Variants in THOC1 observed in about 807,000 individuals in gnomAD.
The protein encoded by THOC1 is THO complex subunit 1.
In THOC1, 29 loss-of-function variants were observed where a neutral mutation model predicts 97.3. The observed-to-expected ratio is 0.30, with a 90% CI of 0.22 to 0.41. The LOEUF is 0.41. THOC1 is among the 10% of genes least tolerant of loss of function. The probability of loss-of-function intolerance (pLI) is 1.00; values close to 1 mark genes in which losing one functional copy is unlikely to be tolerated. For missense variants in THOC1, 529 were observed against 761.9 expected (o/e 0.69, Z 3.60); for synonymous variants, 255 against 257.0 (o/e 0.99, Z 0.07).
At chr18:251,372 G>A (rs773223169) in intron 9 of THOC1, among the ~76,000 whole-genome samples, 53 of 152,138 alleles carry the variant, frequency 3.5e-4, no homozygotes, top group Admixed American at 5.2e-4. Flanking sequence ...AGACAGTAAT[G>A]GAAATTCTTT....
chr18:239,469 TA>T lies in THOC1; in HGVS notation c.918+6854del, dbSNP rs1465348492. On this transcript the variant is annotated intron_variant, in intron 11 of 20. Coordinates refer to ENST00000261600, the MANE Select transcript of THOC1 (RefSeq NM_005131.3). ...ATAGGCACCTGCCACCACGCCCGGC[TA>T]ATTTTTTGTATTTTTAGTACAGACA... is the stretch of plus-strand genomic sequence containing the variant. Among the ~76,000 whole-genome samples, 41 of 152,254 alleles carry T rather than the reference TA, an allele frequency of 2.7e-4. No individual in the cohort carries two copies. In the South Asian group the frequency reaches 7.7e-3, roughly 28 times the overall value.
At chr18:241,295 A>G (rs1391617121) in intron 11 of THOC1, among the ~76,000 whole-genome samples, 1 of 152,222 alleles carries the variant, frequency 6.6e-6, no homozygotes, top group Non-Finnish European at 1.5e-5. Context: ...CCGTTACTAC[A>G]TAAAGATTCA....
At chr18:255,164 C>G (rs1017140298) in intron 7 of THOC1, among the ~76,000 whole-genome samples, 12 of 152,142 alleles carry the variant, frequency 7.9e-5, no homozygotes, top group African/African-American at 2.4e-4. Flanking sequence ...GAATTTAGGC[C>G]AACTAATAAT....
chr18:240,455 G>A (rs1911858386), intron 11 of THOC1, among the ~76,000 whole-genome samples: 1 of 152,172 alleles, frequency 6.6e-6, no homozygotes, highest in Non-Finnish European at 1.5e-5. Flanking sequence ...TGTTCTATCT[G>A]TCAGGACCAG....
chr18:229,066 A>T (rs1911392579), intron 11 of THOC1, among the ~76,000 whole-genome samples: 1 of 152,182 alleles, frequency 6.6e-6, no homozygotes, highest in African/African-American at 2.4e-5. Flanking sequence ...AATCAGCTGC[A>T]CCTACACCTT....
chr18:219,863 TC>T (rs1911017445), intron 17 of THOC1, among the ~76,000 whole-genome samples: 1 of 152,190 alleles, frequency 6.6e-6, no homozygotes, highest in Non-Finnish European at 1.5e-5. Context: ...TAATACGATT[TC>T]AAGGGTTTAA....
intron 9 of THOC1, among the ~76,000 whole-genome samples, chr18:248,814 G>T (rs772532274): frequency 3.3e-5 from 5 of 151,774 alleles, no homozygotes; most frequent in African/African-American, 2.4e-5. Flanking sequence ...GCAGTGGTGC[G>T]ATCTCAGCTC....
At chr18:233,638 A>T (rs925272790) in intron 11 of THOC1, among the ~76,000 whole-genome samples, 1 of 152,134 alleles carries the variant, frequency 6.6e-6, no homozygotes, top group African/African-American at 2.4e-5. Flanking sequence ...TTATAATGCA[A>T]TCTTCTTTTG....
At chr18:223,319 C>T in intron 17 of THOC1, 121 bp downstream of exon 17, 1 of 730,606 alleles carries the variant, frequency 1.4e-6, no homozygotes, top group East Asian at 3.0e-5. Flanking sequence ...GCTGCTGTGC[C>T]AAAAGTCAAC....
rs144666647 is a variant in THOC1 at position 263,399 on chromosome 18, G to A, written c.256+627C>T. The A allele has an allele frequency of 4.6e-3, 695 of 152,576 alleles. 6 individuals are homozygous for A. The highest frequency in any genetic ancestry group is 7.6e-3 in the Non-Finnish European group (520 of 68,256). The allele number at this position is 152,576 out of a possible 1,614,324, so 9.5% of individuals were successfully genotyped here. A position where few individuals can be genotyped will look rare whatever the true frequency, so the allele number is the denominator to read the frequency against. On this transcript the variant is annotated intron_variant, in intron 4 of 20. Coordinates refer to ENST00000261600, the MANE Select transcript of THOC1 (RefSeq NM_005131.3). The stretch of plus-strand genomic sequence containing the variant: ...CGGCCTGCAGCTGCTCTTTAGTATG[G>A]CACCCAGTGCCCTTTATAAATGGAC...
chr18:217,208 A>G (rs1189044558), intron 18 of THOC1, among the ~76,000 whole-genome samples: 1 of 152,240 alleles, frequency 6.6e-6, no homozygotes, highest in Non-Finnish European at 1.5e-5. Context: ...GTCACCTCTT[A>G]TAAATAAGCA....
Position 254,908 on chromosome 18 carries a change from C to T in THOC1, c.521-553G>A, listed in dbSNP as rs1365110402. 6.6e-6 allele frequency among the ~76,000 whole-genome samples: 1 copy of T among 151,936 alleles called. No individual in the cohort carries two copies. The highest frequency in any genetic ancestry group is 1.5e-5 in the Non-Finnish European group (1 of 67,994). On this transcript the variant is annotated intron_variant, in intron 7 of 20. Coordinates refer to ENST00000261600, the MANE Select transcript of THOC1 (RefSeq NM_005131.3). The surrounding 1 kb of genome is among the most constrained non-coding windows in gnomAD (Gnocchi z 4.1). The stretch of plus-strand genomic sequence containing the variant: ...ATGGCTCACTGCAAGTTCAGCTTCC[C>T]AAGCTCAGATGATCCTCCCACCTCA...
intron 17 of THOC1, among the ~76,000 whole-genome samples, chr18:220,281 G>A (rs145389731): frequency 1.3e-5 from 2 of 152,228 alleles, no homozygotes; most frequent in African/African-American, 4.8e-5. Flanking sequence ...ATTTTACACT[G>A]CAACCCAGTA....
intron 8 of THOC1, among the ~76,000 whole-genome samples, chr18:253,216 T>C (rs182610220): frequency 1.6e-4 from 24 of 152,286 alleles, no homozygotes; most frequent in Admixed American, 4.6e-4. Flanking sequence ...AACCAGGCAA[T>C]AGCTATTGAA....
At chr18:243,186 G>A (rs1347161752) in intron 11 of THOC1, among the ~76,000 whole-genome samples, 1 of 152,114 alleles carries the variant, frequency 6.6e-6, no homozygotes, top group South Asian at 2.1e-4. Flanking sequence ...TACCTTCCTC[G>A]TGATGTGATA....
intron 11 of THOC1, among the ~76,000 whole-genome samples, chr18:233,606 A>G (rs1383044249): frequency 1.3e-5 from 2 of 152,100 alleles, no homozygotes; most frequent in Non-Finnish European, 2.9e-5. Context: ...ATAAATAAAT[A>G]ATTCATCCTT....
intron 11 of THOC1, among the ~76,000 whole-genome samples, chr18:241,646 T>C (rs1032441823): frequency 6.6e-6 from 1 of 152,200 alleles, no homozygotes; most frequent in African/African-American, 2.4e-5. Flanking sequence ...AAAGCCTATA[T>C]CTAATTAGTG....
intron 11 of THOC1, among the ~76,000 whole-genome samples, chr18:235,270 C>A (rs1239608921): frequency 6.6e-6 from 1 of 152,030 alleles, no homozygotes; most frequent in Non-Finnish European, 1.5e-5. Context: ...TGCACAAGCT[C>A]TGGATTTCTT....
At chr18:255,521 C>G (rs1330285006) in intron 7 of THOC1, among the ~76,000 whole-genome samples, 6 of 152,150 alleles carry the variant, frequency 3.9e-5, no homozygotes, top group Non-Finnish European at 8.8e-5. Context: ...GAGGACACCA[C>G]AGAAGACAAG....
Sources: gnomAD v4.1 joint callset for allele counts (sites outside exome capture counted in the v4.1 genomes callset) on GRCh38, gnomAD v4.1.1 for gene constraint, Gnocchi (gnomAD v3.1) non-coding constraint, MANE v1.5 for transcripts, NCBI Gene and HGNC (gene_info 2026-07-23, HGNC 2026-07-21) for gene names.